GLRX3: variants seen among roughly 807,000 people sequenced by gnomAD.
The protein encoded by GLRX3 is glutaredoxin 3.
Under a neutral mutation model 49.5 loss-of-function variants are expected in GLRX3, and 22 were observed. That is an observed-to-expected ratio of 0.44 (90% CI 0.32 to 0.63). GLRX3 has a LOEUF of 0.63. GLRX3 is among the 30% of genes least tolerant of loss of function. GLRX3 has a pLI of 0.05. For synonymous variants in GLRX3, 133 were observed against 140.0 expected, an observed-to-expected ratio of 0.95 and a Z score of 0.35; for missense variants, 385 against 396.3, an observed-to-expected ratio of 0.97 and a Z score of 0.24.
chr10:130,174,948 A>C, intron 9 of GLRX3, 42 bp downstream of exon 9: 1 of 1,568,396 alleles, frequency 6.4e-7, no homozygotes, highest in Non-Finnish European at 8.8e-7. Context: ...CTTAGCTTTA[A>C]TCTTAAGGGC....
intron 2 of GLRX3, among the ~76,000 whole-genome samples, chr10:130,154,357 C>T (rs541055236): frequency 1.3e-5 from 2 of 152,250 alleles, no homozygotes; most frequent in South Asian, 4.2e-4. Flanking sequence ...TCCAACCAGT[C>T]CCAATAAGAT....
chr10:130,166,797 C>A lies in GLRX3; in HGVS notation c.651+118C>A, dbSNP rs1303917912. On this transcript the variant is annotated intron_variant, in intron 5 of 10. Coordinates refer to ENST00000331244, the MANE Select transcript of GLRX3 (RefSeq NM_006541.5). ...TGAATCTATATTTACTAATAAGAACCTGCAATGAATACACAGTATTTCTGA... is the reference window on the plus strand; with the variant it reads ...TGAATCTATATTTACTAATAAGAACATGCAATGAATACACAGTATTTCTGA... 5.5e-6 allele frequency: 5 copies of A among 904,800 alleles called. No individual in the cohort carries two copies. The African/African-American group carries it at 6.8e-5, about 12-fold the overall frequency. The allele number at this position is 904,800 out of a possible 1,614,324, so 56.0% of individuals were successfully genotyped here.
chr10:130,167,256 T>G (rs571815558), intron 6 of GLRX3, among the ~76,000 whole-genome samples: 24 of 152,342 alleles, frequency 1.6e-4, no homozygotes, highest in African/African-American at 5.3e-4. Context: ...CTTACCTCTC[T>G]GCATTTCAGA....
At position 130,154,979 on chromosome 10, in the gene GLRX3, T is replaced by A. The variant is rs2134892487; in HGVS notation, c.202-5016T>A. Reference sequence around the variant, plus strand: ...GTATCTAAGGAAGAGAGATCTTTCTTTTTTTTTTAAGAGATAAGGTCTCGC... The same window carrying A: ...GTATCTAAGGAAGAGAGATCTTTCTATTTTTTTTAAGAGATAAGGTCTCGC... On this transcript the variant is annotated intron_variant, in intron 2 of 10. Transcript: ENST00000331244. Among the ~76,000 whole-genome samples, 2 of 151,012 alleles carry A rather than the reference T, an allele frequency of 1.3e-5. 1 individual carries two copies. The highest frequency in any genetic ancestry group is 3.9e-4 in the East Asian group (2 of 5,148).
intron 1 of GLRX3, among the ~76,000 whole-genome samples, chr10:130,139,267 A>G (rs1473314177): frequency 2.6e-5 from 4 of 152,178 alleles, no homozygotes; most frequent in African/African-American, 7.2e-5. Context: ...GACTAGTTCA[A>G]ACGGACACGT....
intron 10 of GLRX3, among the ~76,000 whole-genome samples, chr10:130,178,892 C>T (rs970572987): frequency 3.9e-5 from 6 of 152,026 alleles, no homozygotes; most frequent in Non-Finnish European, 7.4e-5. Context: ...TTAGTAGAGA[C>T]GGGGTTTCAC....
At chr10:130,159,138 G>C (rs564635822) in intron 2 of GLRX3, among the ~76,000 whole-genome samples, 4 of 152,020 alleles carry the variant, frequency 2.6e-5, no homozygotes, top group Admixed American at 6.6e-5. Context: ...TTTCCTACAG[G>C]TATAATGTGA....
chr10:130,160,707 T>C (rs887823166), intron 3 of GLRX3, 89 bp from the exon 4 acceptor site: 1 of 760,868 alleles, frequency 1.3e-6, no homozygotes, highest in Admixed American at 2.0e-5. Flanking sequence ...ACATCTCCGG[T>C]AATACTGTTG....
At chr10:130,164,665 G>C (rs11017112) in intron 4 of GLRX3, among the ~76,000 whole-genome samples, 15,213 of 152,170 alleles carry the variant, frequency 0.1, 782 homozygotes, top group Middle Eastern at 0.13. Flanking sequence ...TAAATATTTT[G>C]TTACTAGAAT....
chr10:130,161,717 G>A (rs1218350969), intron 4 of GLRX3, among the ~76,000 whole-genome samples: 1 of 152,186 alleles, frequency 6.6e-6, no homozygotes, highest in Non-Finnish European at 1.5e-5. Context: ...TTAGTATGCT[G>A]CATAATTGAG....
intron 10 of GLRX3, among the ~76,000 whole-genome samples, chr10:130,176,774 T>TTC (rs1554958610): frequency 0.21 from 23,232 of 109,864 alleles, 2,351 homozygotes; most frequent in Admixed American, 0.25. Flanking sequence ...CCCTCCCTCT[T>TTC]TCTCTCTCTC....
At chr10:130,174,951 T>C in intron 9 of GLRX3, 45 bp downstream of exon 9, 1 of 1,567,026 alleles carries the variant, frequency 6.4e-7, no homozygotes, top group Non-Finnish European at 8.8e-7. Flanking sequence ...AGCTTTAATC[T>C]TAAGGGCCTG....
At chr10:130,145,157 G>T (rs1862247386) in intron 1 of GLRX3, 54 bp from the exon 2 acceptor site, 4 of 707,460 alleles carry the variant, frequency 5.7e-6, no homozygotes, top group South Asian at 1.9e-5. Context: ...ATCAGTATTT[G>T]TGTATTTCCA....
intron 6 of GLRX3, among the ~76,000 whole-genome samples, chr10:130,167,932 C>A (rs1862725090): frequency 6.6e-6 from 1 of 152,066 alleles, no homozygotes; most frequent in South Asian, 2.1e-4. Flanking sequence ...GTGGTTCTTG[C>A]CTGTAGCCTG....
At chr10:130,144,437 T>C (rs562603241) in intron 1 of GLRX3, among the ~76,000 whole-genome samples, 2 of 152,142 alleles carry the variant, frequency 1.3e-5, no homozygotes, top group Non-Finnish European at 2.9e-5. Flanking sequence ...TAGGTATTTG[T>C]CCTAATGCTT....
chr10:130,140,709 T>C (rs993292066), intron 1 of GLRX3, among the ~76,000 whole-genome samples: 5 of 152,224 alleles, frequency 3.3e-5, no homozygotes, highest in South Asian at 2.1e-4. Flanking sequence ...CATACTATTA[T>C]AAAGTTTGGT....
At chr10:130,137,433 G>C (rs1015012112) in intron 1 of GLRX3, among the ~76,000 whole-genome samples, 4 of 152,140 alleles carry the variant, frequency 2.6e-5, no homozygotes, top group Non-Finnish European at 4.4e-5. Context: ...TGTTCTCTTA[G>C]TTGTATTATT....
At chr10:130,163,306 C>T (rs11017111) in intron 4 of GLRX3, among the ~76,000 whole-genome samples, 15,213 of 152,050 alleles carry the variant, frequency 0.1, 783 homozygotes, top group Middle Eastern at 0.13. Context: ...CCTGTAATTC[C>T]AGCCACTTGG....
intron 7 of GLRX3, among the ~76,000 whole-genome samples, chr10:130,170,418 A>G (rs1862781945): frequency 6.6e-6 from 1 of 152,252 alleles, no homozygotes; most frequent in East Asian, 1.9e-4. Context: ...CATAACTAGT[A>G]TAATGAAGCT....
Sources: allele counts gnomAD v4.1 joint callset (sites outside exome capture counted in the v4.1 genomes callset), GRCh38; gene constraint gnomAD v4.1.1; transcripts MANE v1.5; gene names NCBI Gene and HGNC (gene_info 2026-07-23, HGNC 2026-07-21).